Variants in APAF1 observed in about 807,000 individuals in gnomAD.
The protein encoded by APAF1 is apoptotic protease-activating factor 1.
Under a neutral mutation model 152.4 loss-of-function variants are expected in APAF1, and 91 were observed. The ratio of observed to expected loss-of-function variants is 0.60; its 90% CI spans 0.50 to 0.71. The LOEUF (loss-of-function observed/expected upper bound fraction) is 0.71, where lower values mean the gene tolerates loss of function less well. APAF1 is among the 30% of genes least tolerant of loss of function. The pLI is 0.00. For missense variants in APAF1, 1,283 were observed against 1,472.0 expected (o/e 0.87, Z 2.10); for synonymous variants, 484 against 494.1 (o/e 0.98, Z 0.27).
At chr12:98,685,834 G>T (rs1042960316) in intron 15 of APAF1, among the ~76,000 whole-genome samples, 3 of 151,740 alleles carry the variant, frequency 2.0e-5, no homozygotes, top group Non-Finnish European at 4.4e-5. Flanking sequence ...ATGGGGTTTT[G>T]CTATGGTGGT....
intron 5 of APAF1, among the ~76,000 whole-genome samples, chr12:98,661,594 G>T (rs1254882003): frequency 6.6e-6 from 1 of 152,030 alleles, no homozygotes; most frequent in African/African-American, 2.4e-5. Context: ...CTCTGCCTCA[G>T]CCTCTTGAGT....
rs762490601 is a variant in APAF1 at position 98,725,514 on chromosome 12, A to G, written c.3430A>G (p.Thr1144Ala). ...AFSVDSTLLA[T>A]GDDNGEIRIW... ...CTCTGTGGACAGTACCCTGCTGGCAACGGGAGATGACAATGGAGAAATCAG... is the reference window on the plus strand; with the variant it reads ...CTCTGTGGACAGTACCCTGCTGGCAGCGGGAGATGACAATGGAGAAATCAG... Residue 1144 changes from threonine to alanine, a missense_variant, in exon 25 of 27, where the codon ACG becomes GCG. Coordinates refer to ENST00000551964, the MANE Select transcript of APAF1 (RefSeq NM_181861.2). 5 of 1,614,052 alleles carry G rather than the reference A, an allele frequency of 3.1e-6. No homozygotes were observed. The African/African-American group carries it at 4.0e-5, about 13-fold the overall frequency.
chr12:98,675,074 C>G (rs1251176523), intron 12 of APAF1, among the ~76,000 whole-genome samples: 1 of 152,156 alleles, frequency 6.6e-6, no homozygotes, highest in East Asian at 1.9e-4. Flanking sequence ...GTGATGTTCT[C>G]TCATAGAATG....
In APAF1 at chr12:98,731,272, A is replaced by G. The variant is rs567153937; in HGVS notation, c.3601-1148A>G. On this transcript the variant is annotated intron_variant, in intron 26 of 26. Coordinates refer to ENST00000551964, the MANE Select transcript of APAF1 (RefSeq NM_181861.2). ...CCTCTTCCATTATGAACATCCCCCC[A>G]CCAGAGATGTGCATTTGTTACAATT... Among the ~76,000 whole-genome samples the G allele has an allele frequency of 5.3e-5, 8 of 152,078 alleles. No individual in the cohort carries two copies. In the South Asian group the frequency reaches 1.7e-3, roughly 32 times the overall value.
chr12:98,687,102 C>T (rs894581442), intron 16 of APAF1, among the ~76,000 whole-genome samples: 8 of 152,134 alleles, frequency 5.3e-5, no homozygotes, highest in South Asian at 2.1e-4. Context: ...CGGTGGCTCA[C>T]GCCTGTAATC....
intron 18 of APAF1, among the ~76,000 whole-genome samples, chr12:98,703,862 C>T (rs766269001): frequency 3.1e-4 from 47 of 152,258 alleles, no homozygotes; most frequent in Non-Finnish European, 4.6e-4. Context: ...AGACTCTTTT[C>T]TTCTTAAAAA....
chr12:98,714,210 A>T (rs2097731367), intron 21 of APAF1, among the ~76,000 whole-genome samples: 1 of 152,214 alleles, frequency 6.6e-6, no homozygotes, highest in Non-Finnish European at 1.5e-5. Context: ...TCTATCTTAA[A>T]ATAAGTCTTT....
chr12:98,647,251 A>G (rs2097642243), intron 1 of APAF1, among the ~76,000 whole-genome samples: 1 of 143,882 alleles, frequency 7.0e-6, no homozygotes, highest in Non-Finnish European at 1.6e-5. Context: ...CCCCGTCTGT[A>G]CTAAAAAAAA....
rs760089515 is a variant in APAF1 at position 98,662,714 on chromosome 12, A to G, written c.863A>G (p.Lys288Arg). The part of the protein sequence containing the change: ...YVVPVESSLG[K>R]EKGLEILSLF... ...GTCCCTGTGGAGAGTTCCTTAGGAA[A>G]GGAAAAAGGACTTGAAATTTTATCC... Residue 288 changes from lysine (K) to arginine (R), a missense_variant, in exon 7 of 27, where the codon AAG becomes AGG. Coordinates refer to ENST00000551964, the MANE Select transcript of APAF1 (RefSeq NM_181861.2). 9 of 1,613,210 alleles carry G rather than the reference A, an allele frequency of 5.6e-6. No homozygotes were observed. The East Asian group carries it at 1.3e-4, about 24-fold the overall frequency.
rs2097767666 is a variant in APAF1, at chr12:98,735,149, C to T, written c.*2583C>T. 2 of 398,642 alleles carry T rather than the reference C, an allele frequency of 5.0e-6. No individual in the cohort carries two copies. Among genetic ancestry groups the T allele is most frequent in the Non-Finnish European group, 8.8e-6 (2 of 226,192 alleles). 24.7% of individuals were successfully genotyped at this position (398,642 alleles called of 1,614,324 possible). On this transcript the variant is annotated 3_prime_UTR_variant, in exon 27 of 27. Transcript: ENST00000551964. ...AGAGATACCTAGTATGATGGAGCTG[C>T]AAATTTCATGGCAGTTCATGCAGTC...
At chr12:98,698,039 A>C (rs939906233) in intron 16 of APAF1, among the ~76,000 whole-genome samples, 3 of 152,220 alleles carry the variant, frequency 2.0e-5, no homozygotes, top group Non-Finnish European at 4.4e-5. Context: ...GTATTAGTTT[A>C]TGTGGTCCCT....
intron 3 of APAF1, 117 bp downstream of exon 3, chr12:98,648,932 A>C: frequency 9.8e-7 from 1 of 1,024,882 alleles, no homozygotes. Context: ...TGCATGTTAA[A>C]AAAATTGTAG....
At chr12:98,675,108 T>G (rs1042262851) in intron 12 of APAF1, among the ~76,000 whole-genome samples, 1 of 152,226 alleles carries the variant, frequency 6.6e-6, no homozygotes, top group Non-Finnish European at 1.5e-5. Context: ...AGCTTATTTT[T>G]AAATTGTGTT....
chr12:98,685,026 T>C (rs1049792888), intron 15 of APAF1, among the ~76,000 whole-genome samples: 1 of 152,200 alleles, frequency 6.6e-6, no homozygotes, highest in African/African-American at 2.4e-5. Flanking sequence ...ATCTGAAGAA[T>C]TGAGTTTATC....
chr12:98,693,372 G>C (rs2097706408), intron 16 of APAF1, among the ~76,000 whole-genome samples: 1 of 152,034 alleles, frequency 6.6e-6, no homozygotes, highest in Non-Finnish European at 1.5e-5. Flanking sequence ...GGGCTTACAA[G>C]CATGAACCAC....
chr12:98,724,735 CCTG>C (rs2097747910), intron 24 of APAF1, among the ~76,000 whole-genome samples: 1 of 73,178 alleles, frequency 1.4e-5, no homozygotes, highest in Non-Finnish European at 3.2e-5. Context: ...TGTTCGTGAG[CCTG>C]TCTTTGTGAT....
chr12:98,716,297 C>A (rs1167085766), intron 22 of APAF1, among the ~76,000 whole-genome samples: 2 of 152,216 alleles, frequency 1.3e-5, no homozygotes, highest in East Asian at 3.8e-4. Flanking sequence ...GTCCTGCCTT[C>A]AGCTTATGTG....
intron 23 of APAF1, 141 bp from the exon 24 acceptor site, chr12:98,723,498 T>A: frequency 1.0e-6 from 1 of 974,472 alleles, no homozygotes; most frequent in South Asian, 1.5e-5. Flanking sequence ...ATACTGTTAG[T>A]CACATTTAAA....
In APAF1 at chr12:98,662,511, A is replaced by G. The variant is rs2097666844; in HGVS notation, c.766A>G (p.Ser256Gly). 6.2e-7 allele frequency: 1 copy of G among 1,613,638 alleles called. No homozygotes were observed. Among genetic ancestry groups the G allele is most frequent in the East Asian group, 2.2e-5 (1 of 44,762 alleles). Residue 256 changes from serine (S) to glycine (G), a missense_variant, in exon 6 of 27, where the codon AGT becomes GGT. By Grantham distance (56) the Ser-to-Gly change is moderately conservative (BLOSUM62 0). Transcript: ENST00000551964. ...CTCTTGGGTGTTGAAAGCTTTTGAC[A>G]GTCAGTGTCAGATTCTTCTTACAAC... The part of the protein sequence containing the change: ...WDSWVLKAFD[S>G]QCQILLTTRD...
Sources: gnomAD v4.1 joint callset for allele counts (sites outside exome capture counted in the v4.1 genomes callset) on GRCh38, gnomAD v4.1.1 for gene constraint, MANE v1.5 for transcripts, NCBI Gene and HGNC (gene_info 2026-07-23, HGNC 2026-07-21) for gene names.